Variants in FOXL2NB observed in about 807,000 individuals in gnomAD.
The protein encoded by FOXL2NB is FOXL2 neighbor.
FOXL2NB carries 10 observed loss-of-function variants against 7.4 expected under a neutral mutation model. The ratio of observed to expected loss-of-function variants is 1.34; its 90% CI spans 0.83 to 2.28. FOXL2NB has a LOEUF of 2.28. Among genes scored for constraint, FOXL2NB ranks in the 30% most tolerant of loss-of-function variants. The pLI is 0.00. For synonymous variants in FOXL2NB, 104 were observed against 105.3 expected (o/e 0.99, Z 0.08); for missense variants, 228 against 233.9 (o/e 0.97, Z 0.17).
Position 138,949,391 on chromosome 3 carries a change from C to CGTGTGCGT in FOXL2NB, c.101-124_101-123insCGTGTGTG, listed in dbSNP as rs1553753220. Reference sequence around the variant, plus strand: ...AAGAGCCTGTGTGTGTATGCATGTGCGTGTGTGTGTGTGTGTGTGTGTGTG... The same window carrying CGTGTGCGT: ...AAGAGCCTGTGTGTGTATGCATGTGCGTGTGCGTGTGTGTGTGTGTGTGTGTGTGTGTG... On this transcript the variant is annotated intron_variant, in intron 1 of 2. Transcript: ENST00000383165. This position sits in a 1 kb window ranked among gnomAD's most constrained non-coding sequence, Gnocchi z 4.5. 9.8e-6 allele frequency: 8 copies of CGTGTGCGT among 818,022 alleles called. No homozygotes were observed. In the African/African-American group the frequency reaches 1.5e-4, roughly 15 times the overall value. 50.7% of individuals were successfully genotyped at this position (818,022 alleles called of 1,614,324 possible). A position where few individuals can be genotyped will look rare whatever the true frequency, so the allele number is the denominator to read the frequency against.
At position 138,950,951 on chromosome 3, in the gene FOXL2NB, C is replaced by A. The variant is rs1426363917; in HGVS notation, c.*379C>A. The stretch of plus-strand genomic sequence containing the variant: ...GAGAAGCCTGTTGATTCTCTGATGT[C>A]CTTGGCCTGTGATTCGGGTGACTGG... On this transcript the variant is annotated 3_prime_UTR_variant, in exon 3 of 3. Transcript: ENST00000383165. 3.8e-6 allele frequency: 1 copy of A among 262,570 alleles called. No homozygotes were observed. The highest frequency in any genetic ancestry group is 7.2e-6 in the Non-Finnish European group (1 of 139,228). The allele number at this position is 262,570 out of a possible 1,614,324, so 16.3% of individuals were successfully genotyped here.
intron 1 of FOXL2NB, among the ~76,000 whole-genome samples, chr3:138,948,364 A>G (rs1576471379): frequency 6.6e-6 from 1 of 152,338 alleles, no homozygotes; most frequent in East Asian, 1.9e-4. Context: ...TGGGAATCCA[A>G]TTATTTCAGC....
Position 138,951,142 on chromosome 3 carries a change from C to G in FOXL2NB, c.*570C>G, listed in dbSNP as rs1936124147. ...TGCTGCTCAGACCAACAAGGTGCAG[C>G]AGCAGACACCCACATAGCACCAGGT... On this transcript the variant is annotated 3_prime_UTR_variant, in exon 3 of 3. Coordinates refer to ENST00000383165, the MANE Select transcript of FOXL2NB (RefSeq NM_001040061.3). The G allele has an allele frequency of 6.5e-6, 1 of 154,192 alleles. No individual in the cohort carries two copies. Among genetic ancestry groups the G allele is most frequent in the African/African-American group, 2.4e-5 (1 of 41,480 alleles). 9.6% of individuals were successfully genotyped at this position (154,192 alleles called of 1,614,324 possible).
At chr3:138,950,156 C>T in intron 2 of FOXL2NB, 109 bp from the exon 3 acceptor site, 3 of 1,184,056 alleles carry the variant, frequency 2.5e-6, no homozygotes, top group South Asian at 2.6e-5. Flanking sequence ...GCCGATTGAG[C>T]GCAGTCTCAG....
chr3:138,947,308 C>A lies in FOXL2NB; in HGVS notation c.-57C>A. On this transcript the variant is annotated 5_prime_UTR_variant, in exon 1 of 3. Transcript: ENST00000383165. The surrounding 1 kb of genome is among the most constrained non-coding windows in gnomAD (Gnocchi z 5.2). Reference sequence around the variant, plus strand: ...CGAGCCTCAGGGGCCCAGCCGACAGCCAGGCTCACGCGCCCTTGAAATCTG... The same window carrying A: ...CGAGCCTCAGGGGCCCAGCCGACAGACAGGCTCACGCGCCCTTGAAATCTG... 3 of 1,410,826 alleles carry A rather than the reference C, an allele frequency of 2.1e-6. No homozygotes were observed. Among genetic ancestry groups the A allele is most frequent in the Non-Finnish European group, 2.9e-6 (3 of 1,031,582 alleles). The allele number at this position is 1,410,826 out of a possible 1,614,324, so 87.4% of individuals were successfully genotyped here.
rs1378427568 is a variant in FOXL2NB at position 138,950,299 on chromosome 3, C to G, written c.255C>G (p.Pro85=). ...PGILQQRQKP[P]APRASGGPAL... ...TCCTGCAACAGCGGCAGAAGCCGCC[C>G]GCGCCTCGGGCTTCCGGCGGCCCAG... The change falls in exon 3 of 3, where the codon CCC becomes CCG. Residue 85 remains proline (P), a synonymous_variant. Coordinates refer to ENST00000383165, the MANE Select transcript of FOXL2NB (RefSeq NM_001040061.3). The G allele has an allele frequency of 6.2e-7, 1 of 1,606,170 alleles. No individual in the cohort carries two copies. Among genetic ancestry groups the G allele is most frequent in the Non-Finnish European group, 8.5e-7 (1 of 1,178,054 alleles).
Position 138,947,938 on chromosome 3 carries a change from A to T in FOXL2NB, c.100+474A>T, listed in dbSNP as rs1936024544. 1.0e-6 allele frequency: 1 copy of T among 986,582 alleles called. No individual in the cohort carries two copies. Among genetic ancestry groups the T allele is most frequent in the South Asian group, 4.7e-5 (1 of 21,348 alleles). 61.1% of individuals were successfully genotyped at this position (986,582 alleles called of 1,614,324 possible). The stretch of plus-strand genomic sequence containing the variant: ...GTGTGTGCACAGGGGTCACATATGG[A>T]AGTCATGGAGAGGAGCTGTCCTTGA... On this transcript the variant is annotated intron_variant, in intron 1 of 2. Transcript: ENST00000383165. The surrounding 1 kb of genome is among the most constrained non-coding windows in gnomAD (Gnocchi z 5.2).
chr3:138,950,389 G>T lies in FOXL2NB; in HGVS notation c.345G>T (p.Ser115=), dbSNP rs769531270. The stretch of plus-strand genomic sequence containing the variant: ...GCGCTTCGCTAGAACCACTCAGCTC[G>T]TCCCGCGCCGCCGCCGGCTGCCTGA... ...AGSASLEPLS[S]SRAAAGCLNQ... Residue 115 remains serine (S), a synonymous_variant, in exon 3 of 3, where the codon TCG becomes TCT. Transcript: ENST00000383165. The T allele has an allele frequency of 6.2e-7, 1 of 1,613,124 alleles. No individual in the cohort carries two copies. The highest frequency in any genetic ancestry group is 2.2e-5 in the East Asian group (1 of 44,876).
In FOXL2NB at chr3:138,947,223, A is replaced by C; in HGVS notation, c.-142A>C. 1 of 665,892 alleles carries C rather than the reference A, an allele frequency of 1.5e-6. No homozygotes were observed. Among genetic ancestry groups the C allele is most frequent in the Non-Finnish European group, 2.5e-6 (1 of 401,002 alleles). 41.2% of individuals were successfully genotyped at this position (665,892 alleles called of 1,614,324 possible). On this transcript the variant is annotated 5_prime_UTR_variant, in exon 1 of 3. Transcript: ENST00000383165. This position sits in a 1 kb window ranked among gnomAD's most constrained non-coding sequence, Gnocchi z 5.2. ...CGGCCAGCCGCGCACGGGCGAGTTCATCTCCAAGTCACTTTTTGTAAACGC... is the reference window on the plus strand; with the variant it reads ...CGGCCAGCCGCGCACGGGCGAGTTCCTCTCCAAGTCACTTTTTGTAAACGC...
In FOXL2NB at chr3:138,947,266, G is replaced by A; in HGVS notation, c.-99G>A. On this transcript the variant is annotated 5_prime_UTR_variant, in exon 1 of 3. Coordinates refer to ENST00000383165, the MANE Select transcript of FOXL2NB (RefSeq NM_001040061.3). This position sits in a 1 kb window ranked among gnomAD's most constrained non-coding sequence, Gnocchi z 5.2. ...GTAAACGCCCCGCACAGCCTGGACC[G>A]GCCTGCCCCCGCCCAGCGAGCCTCA... The A allele has an allele frequency of 3.1e-6, 3 of 954,212 alleles. No homozygotes were observed. The highest frequency in any genetic ancestry group is 4.7e-6 in the Non-Finnish European group (3 of 633,024). The allele number at this position is 954,212 out of a possible 1,614,324, so 59.1% of individuals were successfully genotyped here. A position where few individuals can be genotyped will look rare whatever the true frequency, so the allele number is the denominator to read the frequency against.
chr3:138,950,005 G>T (rs1276543379), intron 2 of FOXL2NB: 50 of 701,850 alleles, frequency 7.1e-5, no homozygotes, highest in Non-Finnish European at 5.2e-6. Flanking sequence ...ACCTCCAAAG[G>T]CCAGGGTGGT....
Position 138,950,431 on chromosome 3 carries a change from C to T in FOXL2NB, c.387C>T (p.Ser129=). 1 of 1,613,978 alleles carries T rather than the reference C, an allele frequency of 6.2e-7. No homozygotes were observed. The change falls in exon 3 of 3, where the codon TCC becomes TCT. Residue 129 remains serine, a synonymous_variant. Coordinates refer to ENST00000383165, the MANE Select transcript of FOXL2NB (RefSeq NM_001040061.3). ...AAGCLNQVPL[S]PFLAGPRNTR... ...GCTGCCTGAACCAGGTTCCGCTGTC[C>T]CCTTTCCTAGCGGGACCCCGAAACA...
In FOXL2NB at chr3:138,949,831, A is replaced by G. The variant is rs1199408699; in HGVS notation, c.220+192A>G. ...GAAACGGTGCGGGGCGCCCTGATTT[A>G]CTTCTCAACCTTCGGAGGTAGGCTG... On this transcript the variant is annotated intron_variant, in intron 2 of 2. Coordinates refer to ENST00000383165, the MANE Select transcript of FOXL2NB (RefSeq NM_001040061.3). The surrounding 1 kb of genome is among the most constrained non-coding windows in gnomAD (Gnocchi z 4.5). 2 of 782,928 alleles carry G rather than the reference A, an allele frequency of 2.6e-6. No homozygotes were observed. Among genetic ancestry groups the G allele is most frequent in the Non-Finnish European group, 2.2e-6 (1 of 460,036 alleles). 48.5% of individuals were successfully genotyped at this position (782,928 alleles called of 1,614,324 possible). A position where few individuals can be genotyped will look rare whatever the true frequency, so the allele number is the denominator to read the frequency against.
chr3:138,949,588 C>A lies in FOXL2NB; in HGVS notation c.169C>A (p.Pro57Thr). Reference sequence around the variant, plus strand: ...CCTGGGAAGGGCTGGAATCGGTCTCCCCAAGATGTGCCTTCACATGGCTGT... The same window carrying A: ...CCTGGGAAGGGCTGGAATCGGTCTCACCAAGATGTGCCTTCACATGGCTGT... ...CTLGRAGIGLPKMCLHMAVRH... is the reference protein window; with the variant it reads ...CTLGRAGIGLTKMCLHMAVRH... The change falls in exon 2 of 3, where the codon CCC becomes ACC. Residue 57 changes from proline (P) to threonine (T), a missense_variant. Transcript: ENST00000383165. This position sits in a 1 kb window ranked among gnomAD's most constrained non-coding sequence, Gnocchi z 4.5. 1 of 1,613,704 alleles carries A rather than the reference C, an allele frequency of 6.2e-7. No homozygotes were observed. The highest frequency in any genetic ancestry group is 8.5e-7 in the Non-Finnish European group (1 of 1,179,610).
rs554266529 is a variant in FOXL2NB, at chr3:138,953,002, G to A, written c.*2430G>A. ...ATCCCCCTCCTACGCTTCCCCCCCC[G>A]AGTCCCCATTATATAATTCTTTTTT... On this transcript the variant is annotated 3_prime_UTR_variant, in exon 3 of 3. Transcript: ENST00000383165. 3 of 84,520 alleles carry A rather than the reference G, an allele frequency of 3.5e-5. No individual in the cohort carries two copies. The highest frequency in any genetic ancestry group is 6.4e-4 in the East Asian group (2 of 3,140). The allele number at this position is 84,520 out of a possible 1,614,324, so 5.2% of individuals were successfully genotyped here.
chr3:138,949,833 T>C lies in FOXL2NB; in HGVS notation c.220+194T>C, dbSNP rs1936082502. 2.6e-6 allele frequency: 2 copies of C among 770,208 alleles called. No individual in the cohort carries two copies. The highest frequency in any genetic ancestry group is 4.5e-6 in the Non-Finnish European group (2 of 448,644). 47.7% of individuals were successfully genotyped at this position (770,208 alleles called of 1,614,324 possible). A position where few individuals can be genotyped will look rare whatever the true frequency, so the allele number is the denominator to read the frequency against. On this transcript the variant is annotated intron_variant, in intron 2 of 2. Coordinates refer to ENST00000383165, the MANE Select transcript of FOXL2NB (RefSeq NM_001040061.3). The surrounding 1 kb of genome is among the most constrained non-coding windows in gnomAD (Gnocchi z 4.5). ...AACGGTGCGGGGCGCCCTGATTTACTTCTCAACCTTCGGAGGTAGGCTGGT... is the reference window on the plus strand; with the variant it reads ...AACGGTGCGGGGCGCCCTGATTTACCTCTCAACCTTCGGAGGTAGGCTGGT...
chr3:138,949,234 G>GTC lies in FOXL2NB; in HGVS notation c.101-280_101-279dup, dbSNP rs1936064237. Among the ~76,000 whole-genome samples, 1 of 151,376 alleles carries GTC rather than the reference G, an allele frequency of 6.6e-6. No homozygotes were observed. The highest frequency in any genetic ancestry group is 2.4e-5 in the African/African-American group (1 of 41,146). On this transcript the variant is annotated intron_variant, in intron 1 of 2. Coordinates refer to ENST00000383165, the MANE Select transcript of FOXL2NB (RefSeq NM_001040061.3). The surrounding 1 kb of genome is among the most constrained non-coding windows in gnomAD (Gnocchi z 4.5). ...TTGACCACCCAGGCTGGCTCTCTGCGTCTCTCTGTCTTTCTTTCTTCTTCT... is the reference window on the plus strand; with the variant it reads ...TTGACCACCCAGGCTGGCTCTCTGCGTCTCTCTCTGTCTTTCTTTCTTCTTCT...
chr3:138,948,015 C>T (rs1936025751), intron 1 of FOXL2NB: 1 of 983,806 alleles, frequency 1.0e-6, no homozygotes, highest in Non-Finnish European at 1.2e-6. Context: ...CAGGTATGCA[C>T]ATGTACAAGG....
Position 138,949,416 on chromosome 3 carries a change from G to GTT in FOXL2NB, c.101-103_101-102insTT. The GTT allele has an allele frequency of 8.0e-7, 1 of 1,246,510 alleles. No homozygotes were observed. Among genetic ancestry groups the GTT allele is most frequent in the East Asian group, 2.5e-5 (1 of 40,034 alleles). 77.2% of individuals were successfully genotyped at this position (1,246,510 alleles called of 1,614,324 possible). A position where few individuals can be genotyped will look rare whatever the true frequency, so the allele number is the denominator to read the frequency against. Reference sequence around the variant, plus strand: ...CGTGTGTGTGTGTGTGTGTGTGTGTGTAGGGGTTGGGGGCAAATGAAGGAG... The same window carrying GTT: ...CGTGTGTGTGTGTGTGTGTGTGTGTGTTTAGGGGTTGGGGGCAAATGAAGGAG... On this transcript the variant is annotated intron_variant, in intron 1 of 2. Coordinates refer to ENST00000383165, the MANE Select transcript of FOXL2NB (RefSeq NM_001040061.3). The surrounding 1 kb of genome is among the most constrained non-coding windows in gnomAD (Gnocchi z 4.5).
Sources: gnomAD v4.1 joint callset for allele counts (sites outside exome capture counted in the v4.1 genomes callset) on GRCh38, gnomAD v4.1.1 for gene constraint, Gnocchi (gnomAD v3.1) non-coding constraint, MANE v1.5 for transcripts, NCBI Gene and HGNC (gene_info 2026-07-23, HGNC 2026-07-21) for gene names.